The following SPEF2 variants were observed in gnomAD, a reference collection of about 807,000 sequenced individuals.
SPEF2 encodes the protein sperm flagella and cilia-associated protein 2.
In SPEF2, 187 loss-of-function variants were observed where a neutral mutation model predicts 224.6. The ratio of observed to expected loss-of-function variants is 0.83; its 90% CI spans 0.74 to 0.94. SPEF2 has a LOEUF of 0.94. Ranked by LOEUF, SPEF2 falls within the 40% of genes least tolerant of loss-of-function variation. SPEF2 has a pLI of 0.00. For synonymous variants in SPEF2, 715 were observed against 707.3 expected (o/e 1.01, Z -0.17); for missense variants, 2,170 against 2,135.6 (o/e 1.02, Z -0.32).
intron 5 of SPEF2, 47 bp downstream of exon 5, chr5:35,646,854 G>T (rs781336121): frequency 1.3e-6 from 2 of 1,593,360 alleles, no homozygotes; most frequent in South Asian, 2.3e-5. Context: ...CTTAACTAAA[G>T]AATAGTCTGT....
At chr5:35,628,629 T>C in intron 2 of SPEF2, 67 bp downstream of exon 2, 1 of 1,126,268 alleles carries the variant, frequency 8.9e-7, no homozygotes. Flanking sequence ...TCTTGTTCTG[T>C]TACTGAGACT....
At chr5:35,789,305 A>C in intron 30 of SPEF2, 1 of 703,368 alleles carries the variant, frequency 1.4e-6, no homozygotes, top group Non-Finnish European at 2.6e-6. Context: ...TAAGAATAGA[A>C]ATTCCTCAAT....
intron 6 of SPEF2, among the ~76,000 whole-genome samples, chr5:35,650,164 T>C (rs926804978): frequency 6.6e-6 from 1 of 152,172 alleles, no homozygotes; most frequent in African/African-American, 2.4e-5. Context: ...TAAAATTTCC[T>C]GACGGAAGGG....
At chr5:35,770,030 C>CGTGT (rs143871804) in intron 26 of SPEF2, among the ~76,000 whole-genome samples, 39,789 of 141,136 alleles carry the variant, frequency 0.28, 5,589 homozygotes, top group Non-Finnish European at 0.3. Context: ...TGTGCATGTG[C>CGTGT]GTGTGTGTGT....
At chr5:35,775,005 T>A (rs1753407269) in intron 28 of SPEF2, among the ~76,000 whole-genome samples, 1 of 152,180 alleles carries the variant, frequency 6.6e-6, no homozygotes. Context: ...TGTAGCAAAA[T>A]TCATTTATGC....
Position 35,689,813 on chromosome 5 carries a change from G to GAGGGT in SPEF2, c.1525-1222_1525-1218dup, listed in dbSNP as rs530502224. Among the ~76,000 whole-genome samples, 6 of 152,224 alleles carry GAGGGT rather than the reference G, an allele frequency of 3.9e-5. No homozygotes were observed. In the East Asian group the frequency reaches 1.2e-3, roughly 29 times the overall value. ...ATTGTGAATAGTACTATGATGAACAGAGGGTACATTTGTCTGCTGTTACCT... is the reference window on the plus strand; with the variant it reads ...ATTGTGAATAGTACTATGATGAACAGAGGGTAGGGTACATTTGTCTGCTGTTACCT... On this transcript the variant is annotated intron_variant, in intron 10 of 36. Coordinates refer to ENST00000356031, the MANE Select transcript of SPEF2 (RefSeq NM_024867.4).
rs1280699594 is a variant in SPEF2 at position 35,694,399 on chromosome 5, T to C, written c.1975+36T>C. On this transcript the variant is annotated intron_variant, in intron 13 of 36. Coordinates refer to ENST00000356031, the MANE Select transcript of SPEF2 (RefSeq NM_024867.4). ...AAAACAAATCATCTATTATTTACAT[T>C]AGAGAGAGAAACAATGAGAGCACAT... is the stretch of plus-strand genomic sequence containing the variant. 4 of 1,545,924 alleles carry C rather than the reference T, an allele frequency of 2.6e-6. No individual in the cohort carries two copies. The Admixed American group carries it at 6.8e-5, about 26-fold the overall frequency.
intron 9 of SPEF2, 73 bp downstream of exon 9, chr5:35,667,332 C>G: frequency 7.8e-7 from 1 of 1,280,768 alleles, no homozygotes. Flanking sequence ...AAAATAGATA[C>G]TAGGATGATA....
chr5:35,799,923 A>G (rs1757201037), intron 33 of SPEF2, 45 bp from the exon 34 acceptor site: 3 of 1,603,726 alleles, frequency 1.9e-6, no homozygotes, highest in African/African-American at 1.3e-5. Flanking sequence ...ACTACTGACT[A>G]TGAGAGTGCA....
chr5:35,708,470 C>A (rs138236711), intron 18 of SPEF2, among the ~76,000 whole-genome samples: 1 of 151,956 alleles, frequency 6.6e-6, no homozygotes, highest in African/African-American at 2.4e-5. Context: ...ACACCACTTG[C>A]TAACCCCTTA....
At chr5:35,620,283 G>T (rs1162315590) in intron 1 of SPEF2, among the ~76,000 whole-genome samples, 2 of 152,148 alleles carry the variant, frequency 1.3e-5, no homozygotes, top group Non-Finnish European at 2.9e-5. Context: ...GACTGTGAGT[G>T]GGTGCAACCT....
chr5:35,759,831 CA>C, intron 25 of SPEF2, 112 bp downstream of exon 25: 6 of 1,084,194 alleles, frequency 5.5e-6, no homozygotes, highest in South Asian at 2.8e-5. Flanking sequence ...ATCTAAGATC[CA>C]AAAAAGCTCT....
intron 8 of SPEF2, among the ~76,000 whole-genome samples, chr5:35,662,883 A>T (rs1310914687): frequency 6.6e-6 from 1 of 152,038 alleles, no homozygotes; most frequent in Non-Finnish European, 1.5e-5. Context: ...CTTAGTTTTT[A>T]TTGTTCTTGT....
At chr5:35,653,819 TG>T (rs1748543839) in intron 6 of SPEF2, among the ~76,000 whole-genome samples, 1 of 150,406 alleles carries the variant, frequency 6.6e-6, no homozygotes, top group Non-Finnish European at 1.5e-5. Flanking sequence ...TGGTGGCGTG[TG>T]CCTGTAGTCC....
intron 6 of SPEF2, among the ~76,000 whole-genome samples, chr5:35,649,801 C>A (rs966137022): frequency 2.0e-5 from 3 of 152,196 alleles, no homozygotes; most frequent in African/African-American, 7.2e-5. Flanking sequence ...GTATCCTCAG[C>A]AGTTAGCATA....
At position 35,773,892 on chromosome 5, in the gene SPEF2, G is replaced by A. The variant is rs917633171; in HGVS notation, c.3950-1G>A. On this transcript the variant is annotated splice_acceptor_variant, in intron 27 of 36. Transcript: ENST00000356031. LOFTEE classifies it high-confidence loss of function. ...CTCAGCATGTTTCATTGCCCTTTCA[G>A]GTAAATCACCACCTATGGCAGAAGC... 6.2e-7 allele frequency: 1 copy of A among 1,610,720 alleles called. No individual in the cohort carries two copies. The highest frequency in any genetic ancestry group is 8.5e-7 in the Non-Finnish European group (1 of 1,178,706).
intron 10 of SPEF2, chr5:35,670,509 AATTT>A (rs1424111048): frequency 2.4e-5 from 25 of 1,051,954 alleles, no homozygotes; most frequent in Non-Finnish European, 2.9e-5. Context: ...AAAATGCTTT[AATTT>A]ATTTATTAGC....
At chr5:35,774,685 A>G (rs1200921473) in intron 28 of SPEF2, among the ~76,000 whole-genome samples, 1 of 152,216 alleles carries the variant, frequency 6.6e-6, no homozygotes, top group Non-Finnish European at 1.5e-5. Flanking sequence ...CGGTCAATAT[A>G]CAAGATGACA....
At chr5:35,713,376 G>A (rs1230995193) in intron 20 of SPEF2, among the ~76,000 whole-genome samples, 1 of 152,082 alleles carries the variant, frequency 6.6e-6, no homozygotes, top group East Asian at 1.9e-4. Context: ...TGGAACTCTT[G>A]AAGTTTTTGA....
Sources: allele counts gnomAD v4.1 joint callset (sites outside exome capture counted in the v4.1 genomes callset), GRCh38; gene constraint gnomAD v4.1.1; transcripts MANE v1.5; gene names NCBI Gene and HGNC (gene_info 2026-07-23, HGNC 2026-07-21).